Variants in SLC4A4 observed in about 807,000 individuals in gnomAD.
SLC4A4 encodes solute carrier family 4 member 4, also known as electrogenic sodium bicarbonate cotransporter 1.
Under a neutral mutation model 111.5 loss-of-function variants are expected in SLC4A4, and 27 were observed. The ratio of observed to expected loss-of-function variants is 0.24; its 90% CI spans 0.18 to 0.33. The LOEUF is 0.33. Among genes scored for constraint, SLC4A4 ranks in the 10% least tolerant of loss-of-function variants. The pLI is 1.00. For missense variants in SLC4A4, 909 were observed against 1,315.5 expected (o/e 0.69, Z 4.78); for synonymous variants, 443 against 463.4 (o/e 0.96, Z 0.57).
intron 6 of SLC4A4, 42 bp downstream of exon 6, chr4:71,357,229 T>C: frequency 1.3e-6 from 2 of 1,581,470 alleles, no homozygotes; most frequent in African/African-American, 1.3e-5. Flanking sequence ...TCTTACTTAT[T>C]TCACTCACCT....
intron 2 of SLC4A4, among the ~76,000 whole-genome samples, chr4:71,149,451 T>C (rs1221374232): frequency 6.6e-6 from 1 of 152,070 alleles, no homozygotes; most frequent in African/African-American, 2.4e-5. Context: ...AGTCATAAAT[T>C]TTGTATATTA....
intron 7 of SLC4A4, among the ~76,000 whole-genome samples, chr4:71,412,679 A>G (rs1335855566): frequency 2.0e-5 from 3 of 152,186 alleles, no homozygotes; most frequent in Non-Finnish European, 2.9e-5. Context: ...GAATCGGTAA[A>G]TAATGTAGGA....
At chr4:71,302,629 T>C (rs1725364402) in intron 3 of SLC4A4, among the ~76,000 whole-genome samples, 1 of 152,226 alleles carries the variant, frequency 6.6e-6, no homozygotes, top group Non-Finnish European at 1.5e-5. Context: ...TGGTGTGCTG[T>C]GATTCTGGAA....
At chr4:71,125,828 A>C (rs1159035329) in intron 2 of SLC4A4, among the ~76,000 whole-genome samples, 1 of 152,200 alleles carries the variant, frequency 6.6e-6, no homozygotes, top group Non-Finnish European at 1.5e-5. Context: ...AAAAATATAA[A>C]CTTGCAAATG....
At chr4:71,555,237 A>T (rs192179621) in intron 21 of SLC4A4, 29 bp downstream of exon 21, 1 of 1,443,980 alleles carries the variant, frequency 6.9e-7, no homozygotes, top group African/African-American at 1.4e-5. Flanking sequence ...ATGTAAGTAC[A>T]GTAGTGTTTT....
chr4:71,068,140 C>T (rs1251589517), intron 1 of SLC4A4, among the ~76,000 whole-genome samples: 5 of 147,166 alleles, frequency 3.4e-5, no homozygotes, highest in Non-Finnish European at 7.4e-5. Flanking sequence ...TCTCGGCTCA[C>T]TGCAACCTCT....
At chr4:71,487,132 A>G (rs1163105463) in intron 15 of SLC4A4, 114 bp downstream of exon 15, 3 of 649,436 alleles carry the variant, frequency 4.6e-6, no homozygotes, top group Non-Finnish European at 8.4e-6. Flanking sequence ...GCATGAACAC[A>G]TACGTAACAA....
Position 71,481,752 on chromosome 4 carries a change from T to A in SLC4A4, c.1904-5196T>A, listed in dbSNP as rs564490706. The stretch of plus-strand genomic sequence containing the variant: ...ATTTGTAAATGTCAATTACTTACAA[T>A]ATTCATTCCCTCATTCCAGAAAATC... On this transcript the variant is annotated intron_variant, in intron 14 of 25. Coordinates refer to ENST00000264485, the MANE Select transcript of SLC4A4 (RefSeq NM_001098484.3). Among the ~76,000 whole-genome samples, 233 of 100,202 alleles carry A rather than the reference T, an allele frequency of 2.3e-3. 2 individuals are homozygous for A. Among genetic ancestry groups the A allele is most frequent in the African/African-American group, 5.5e-3 (212 of 38,712 alleles). The allele number at this position is 100,202 out of a possible 152,430, so 65.7% of individuals were successfully genotyped here.
chr4:71,120,081 G>A (rs1282400478), intron 2 of SLC4A4, among the ~76,000 whole-genome samples: 1 of 152,070 alleles, frequency 6.6e-6, no homozygotes, highest in African/African-American at 2.4e-5. Context: ...ATATTGGAAG[G>A]TTTTGAACTC....
At chr4:71,330,023 A>C (rs539556598) in intron 3 of SLC4A4, among the ~76,000 whole-genome samples, 1 of 152,178 alleles carries the variant, frequency 6.6e-6, no homozygotes, top group African/African-American at 2.4e-5. Context: ...TCATGAAAGA[A>C]TATTGATTTT....
intron 2 of SLC4A4, among the ~76,000 whole-genome samples, chr4:71,144,051 G>A (rs1744090723): frequency 1.3e-5 from 2 of 152,144 alleles, no homozygotes; most frequent in African/African-American, 4.8e-5. Context: ...TATTGCCTAG[G>A]TTTTCTTCCA....
At chr4:71,543,959 A>G (rs1028619473) in intron 18 of SLC4A4, among the ~76,000 whole-genome samples, 1 of 151,836 alleles carries the variant, frequency 6.6e-6, no homozygotes, top group Non-Finnish European at 1.5e-5. Flanking sequence ...TATGCATGCT[A>G]TTTTTCCTTT....
At chr4:71,487,522 T>C (rs1285239558) in intron 15 of SLC4A4, among the ~76,000 whole-genome samples, 1 of 151,552 alleles carries the variant, frequency 6.6e-6, no homozygotes, top group Non-Finnish European at 1.5e-5. Flanking sequence ...CCAAGGATCT[T>C]TAGGAGACTG....
chr4:71,321,108 C>T (rs1727084718), intron 3 of SLC4A4, among the ~76,000 whole-genome samples: 1 of 152,012 alleles, frequency 6.6e-6, no homozygotes, highest in South Asian at 2.1e-4. Context: ...TTATTTGTAG[C>T]ACACTTCAAT....
At chr4:71,118,071 T>C (rs1244947432) in intron 2 of SLC4A4, among the ~76,000 whole-genome samples, 1 of 152,064 alleles carries the variant, frequency 6.6e-6, no homozygotes. Flanking sequence ...AGATGGGGTT[T>C]CTCTATGTTG....
At chr4:71,073,272 G>A (rs1741715566) in intron 1 of SLC4A4, among the ~76,000 whole-genome samples, 1 of 151,390 alleles carries the variant, frequency 6.6e-6, no homozygotes, top group South Asian at 2.1e-4. Flanking sequence ...TTCTTTTATT[G>A]ACCAGTTTCA....
intron 2 of SLC4A4, among the ~76,000 whole-genome samples, chr4:71,162,078 T>C (rs1019786718): frequency 2.0e-5 from 3 of 152,220 alleles, no homozygotes; most frequent in African/African-American, 7.2e-5. Context: ...TCAACATCAC[T>C]TTGAAGAGGT....
chr4:71,515,335 T>TGAAAATC (rs1732286600), intron 16 of SLC4A4, among the ~76,000 whole-genome samples: 1 of 152,166 alleles, frequency 6.6e-6, no homozygotes, highest in Admixed American at 6.5e-5. Context: ...GGTCTGAGAA[T>TGAAAATC]ATAGTTGATA....
chr4:71,223,630 A>C (rs573746120), intron 1 of SLC4A4, among the ~76,000 whole-genome samples: 1 of 152,282 alleles, frequency 6.6e-6, no homozygotes, highest in African/African-American at 2.4e-5. Flanking sequence ...AGATGCTTGC[A>C]TGTGGGCCTC....
Sources: gnomAD v4.1 joint callset for allele counts (sites outside exome capture counted in the v4.1 genomes callset) on GRCh38, gnomAD v4.1.1 for gene constraint, MANE v1.5 for transcripts, NCBI Gene and HGNC (gene_info 2026-07-23, HGNC 2026-07-21) for gene names.